The following CXCL12 variants were observed in gnomAD, a reference collection of about 807,000 sequenced individuals.
The protein encoded by CXCL12 is C-X-C motif chemokine ligand 12, also known as stromal cell-derived factor 1.
In CXCL12, 4 loss-of-function variants were observed where a neutral mutation model predicts 10.7. The ratio of observed to expected loss-of-function variants is 0.37; its 90% CI spans 0.18 to 0.86. CXCL12 has a LOEUF of 0.86. Ranked by LOEUF, CXCL12 falls within the 40% of genes least tolerant of loss-of-function variation. The pLI is 0.43. For missense variants in CXCL12, 122 were observed against 110.4 expected (o/e 1.10, Z -0.47); for synonymous variants, 54 against 45.4 (o/e 1.19, Z -0.77).
At chr10:44,378,794 TCCC>T (rs1839539653) in intron 2 of CXCL12, 71 bp from the exon 3 acceptor site, 6 of 1,492,646 alleles carry the variant, frequency 4.0e-6, no homozygotes, top group Non-Finnish European at 5.6e-6. Context: ...GTGCATCCGC[TCCC>T]CCAACACCCA....
At position 44,377,988 on chromosome 10, in the gene CXCL12, T is replaced by G; in HGVS notation, c.*645A>C. 1.3e-6 allele frequency: 2 copies of G among 1,513,582 alleles called. No individual in the cohort carries two copies. Among genetic ancestry groups the G allele is most frequent in the Non-Finnish European group, 8.8e-7 (1 of 1,141,806 alleles). The allele number at this position is 1,513,582 out of a possible 1,614,324, so 93.8% of individuals were successfully genotyped here. A position where few individuals can be genotyped will look rare whatever the true frequency, so the allele number is the denominator to read the frequency against. ...TAGGAATAGCTGGGAGAGGGGTCTC[T>G]GAGCACAGTCCCAGTAATAGTGGCT... is the stretch of plus-strand genomic sequence containing the variant. On this transcript the variant is annotated 3_prime_UTR_variant, in exon 3 of 3. Coordinates refer to ENST00000343575, the MANE Select transcript of CXCL12 (RefSeq NM_199168.4).
downstream of CXCL12, chr10:44,372,686 TGATGAGCA>T (rs1045466980): frequency 2.7e-4 from 381 of 1,415,050 alleles, no homozygotes; most frequent in Non-Finnish European, 3.3e-4. Context: ...AGACAGAGAA[TGATGAGCA>T]GAACGTGGAG....
rs760442279 is a variant in CXCL12, at chr10:44,378,595, G to A, written c.*38C>T. The A allele has an allele frequency of 1.2e-5, 19 of 1,613,414 alleles. No homozygotes were observed. The highest frequency in any genetic ancestry group is 2.7e-5 in the African/African-American group (2 of 74,836). On this transcript the variant is annotated 3_prime_UTR_variant, in exon 3 of 3. Coordinates refer to ENST00000343575, the MANE Select transcript of CXCL12 (RefSeq NM_199168.4). ...CTCTCACAAGGTTTTAGTTTTCCTCGAGTGGGTCTAGCGGAAAGTCCTTTT... is the reference window on the plus strand; with the variant it reads ...CTCTCACAAGGTTTTAGTTTTCCTCAAGTGGGTCTAGCGGAAAGTCCTTTT...
At chr10:44,370,570 CAT>C (rs1419504510) in exon 4 of CXCL12, 1 of 152,228 alleles carries the variant, frequency 6.6e-6, no homozygotes, top group African/African-American at 2.4e-5. Context: ...CTCAAATTCT[CAT>C]CCAGCTGGAA....
rs1320275880 is a variant in CXCL12, at chr10:44,377,843, G to C, written c.*790C>G. On this transcript the variant is annotated 3_prime_UTR_variant, in exon 3 of 3. Transcript: ENST00000343575. ...AGCTGTGGGGCAGGCCCTGGGAGGA[G>C]AGGGATGCAGGGCACGAGCCCCAGC... 6.3e-7 allele frequency: 1 copy of C among 1,593,376 alleles called. No individual in the cohort carries two copies. Among genetic ancestry groups the C allele is most frequent in the Non-Finnish European group, 8.5e-7 (1 of 1,177,730 alleles).
At position 44,384,973 on chromosome 10, in the gene CXCL12, G is replaced by T; in HGVS notation, c.33C>A (p.Leu11=). 6.7e-7 allele frequency: 1 copy of T among 1,500,656 alleles called. No homozygotes were observed. Among genetic ancestry groups the T allele is most frequent in the Non-Finnish European group, 8.9e-7 (1 of 1,129,220 alleles). 93.0% of individuals were successfully genotyped at this position (1,500,656 alleles called of 1,614,324 possible). A position where few individuals can be genotyped will look rare whatever the true frequency, so the allele number is the denominator to read the frequency against. Residue 11 remains leucine (L), a synonymous_variant, in exon 1 of 3, where the codon CTC becomes CTA. Coordinates refer to ENST00000343575, the MANE Select transcript of CXCL12 (RefSeq NM_199168.4). MNAKVVVVLV[L]VLTALCLSDG... is the part of the protein sequence containing the mutation. The stretch of plus-strand genomic sequence containing the variant: ...CGCTGAGGCAGAGCGCGGTCAGCAC[G>T]AGGACCAGCACGACCACGACCTTGG...
At chr10:44,373,284 G>A, downstream of CXCL12, 1 of 1,595,956 alleles carries the variant, frequency 6.3e-7, no homozygotes, top group South Asian at 1.1e-5. Flanking sequence ...ACTGGTTTCA[G>A]AGCTGGGCTC....
chr10:44,384,414 G>C (rs891610900), intron 1 of CXCL12, among the ~76,000 whole-genome samples: 1 of 152,200 alleles, frequency 6.6e-6, no homozygotes, highest in African/African-American at 2.4e-5. Context: ...GGAGAGGATC[G>C]GCTTCGCAGG....
rs17880863 is a variant in CXCL12 at position 44,381,051 on chromosome 10, T to C, written c.62-171A>G. The stretch of plus-strand genomic sequence containing the variant: ...AAGGCCATCTCCTCAGGCAACACAG[T>C]GAGTGCTGGCTGAGCTCAGGCTCAG... On this transcript the variant is annotated intron_variant, in intron 1 of 2. Coordinates refer to ENST00000343575, the MANE Select transcript of CXCL12 (RefSeq NM_199168.4). 0.075 allele frequency among the ~76,000 whole-genome samples: 11,459 copies of C among 152,162 alleles called. 485 individuals are homozygous for C. Among genetic ancestry groups the C allele is most frequent in the Non-Finnish European group, 0.096 (6,551 of 67,974 alleles).
chr10:44,374,140 T>C, downstream of CXCL12: 1 of 319,480 alleles, frequency 3.1e-6, no homozygotes, highest in South Asian at 2.7e-5. Context: ...TGGGACCCAC[T>C]CTCAGTCCCT....
chr10:44,373,417 G>A (rs192142440), downstream of CXCL12: 68 of 1,352,122 alleles, frequency 5.0e-5, no homozygotes, highest in African/African-American at 5.9e-4. Flanking sequence ...GAAGGACAGC[G>A]GCCTGCGCGG....
downstream of CXCL12, chr10:44,374,848 G>A (rs1049030970): frequency 8.1e-6 from 3 of 371,006 alleles, no homozygotes; most frequent in Admixed American, 3.3e-5. Flanking sequence ...GAAATTCAAC[G>A]CATCCTTTTT....
At position 44,378,524 on chromosome 10, in the gene CXCL12, G is replaced by A; in HGVS notation, c.*109C>T. 6.4e-7 allele frequency: 1 copy of A among 1,569,628 alleles called. No individual in the cohort carries two copies. ...ATGTGCCCACCCCACACACACACCTGGTCCTCATGGTTAAGGCCCCCTCCC... is the reference window on the plus strand; with the variant it reads ...ATGTGCCCACCCCACACACACACCTAGTCCTCATGGTTAAGGCCCCCTCCC... On this transcript the variant is annotated 3_prime_UTR_variant, in exon 3 of 3. Transcript: ENST00000343575.
At chr10:44,372,905 T>C (rs1451301033), downstream of CXCL12, 3 of 1,535,790 alleles carry the variant, frequency 2.0e-6, no homozygotes, top group Non-Finnish European at 1.7e-6. Context: ...TTGCCCAGGT[T>C]GACTGGTCCT....
At chr10:44,375,743 A>G, downstream of CXCL12, 1 of 1,081,822 alleles carries the variant, frequency 9.2e-7, no homozygotes, top group South Asian at 1.7e-5. Context: ...TTCATAACTT[A>G]GCAGACCAAC....
downstream of CXCL12, chr10:44,371,359 T>TCCC (rs1344048218): frequency 2.1e-6 from 1 of 485,016 alleles, no homozygotes. Flanking sequence ...GGCAGGTACA[T>TCCC]CCAAGTTCTA....
downstream of CXCL12, chr10:44,374,539 A>G (rs17886201): frequency 7.9e-5 from 36 of 455,978 alleles, no homozygotes; most frequent in African/African-American, 6.8e-4. Flanking sequence ...GTGGGCCAGG[A>G]GAGTTGTCCA....
rs185780815 is a variant in CXCL12, at chr10:44,378,089, C to G, written c.*544G>C. On this transcript the variant is annotated 3_prime_UTR_variant, in exon 3 of 3. Coordinates refer to ENST00000343575, the MANE Select transcript of CXCL12 (RefSeq NM_199168.4). ...GGCAGTGGCGGCGCCCAGCCCCAGT[C>G]GGTATCTGAGTGCCACAGAGGCCTT... 6.9e-7 allele frequency: 1 copy of G among 1,451,756 alleles called. No individual in the cohort carries two copies. Among genetic ancestry groups the G allele is most frequent in the African/African-American group, 1.4e-5 (1 of 69,998 alleles). 89.9% of individuals were successfully genotyped at this position (1,451,756 alleles called of 1,614,324 possible). A position where few individuals can be genotyped will look rare whatever the true frequency, so the allele number is the denominator to read the frequency against.
chr10:44,383,614 G>GGC (rs1307665294), intron 1 of CXCL12, among the ~76,000 whole-genome samples: 1 of 137,866 alleles, frequency 7.3e-6, no homozygotes, highest in African/African-American at 2.7e-5. Flanking sequence ...ACTTGCGGGG[G>GGC]GGGGGGGGGG....
Sources: gnomAD v4.1 joint callset for allele counts (sites outside exome capture counted in the v4.1 genomes callset) on GRCh38, gnomAD v4.1.1 for gene constraint, MANE v1.5 for transcripts, NCBI Gene and HGNC (gene_info 2026-07-23, HGNC 2026-07-21) for gene names.